SPOCK3: variants seen among roughly 807,000 people sequenced by gnomAD.
The protein encoded by SPOCK3 is testican-3.
In SPOCK3, 30 loss-of-function variants were observed where a neutral mutation model predicts 56.6. The ratio of observed to expected loss-of-function variants is 0.53; its 90% CI spans 0.40 to 0.72. The LOEUF is 0.72. Among genes scored for constraint, SPOCK3 ranks in the 30% least tolerant of loss-of-function variants. The probability of loss-of-function intolerance (pLI) is 0.00; values close to 1 mark genes in which losing one functional copy is unlikely to be tolerated. For synonymous variants in SPOCK3, 196 were observed against 183.3 expected (o/e 1.07, Z -0.56); for missense variants, 527 against 530.0 (o/e 0.99, Z 0.06).
chr4:166,802,554 GCCT>G (rs1742723199), intron 6 of SPOCK3, among the ~76,000 whole-genome samples: 1 of 152,028 alleles, frequency 6.6e-6, no homozygotes, highest in Admixed American at 6.6e-5. Context: ...GCTCCCTTGG[GCCT>G]CCTTTATAAG....
At chr4:167,062,573 A>T (rs769753379) in intron 2 of SPOCK3, 36 bp from the exon 3 acceptor site, 1 of 1,517,632 alleles carries the variant, frequency 6.6e-7, no homozygotes, top group Non-Finnish European at 9.1e-7. Context: ...AGTGTATACA[A>T]GTAATTAAAA....
intron 6 of SPOCK3, among the ~76,000 whole-genome samples, chr4:166,857,718 A>T (rs777488325): frequency 7.2e-5 from 11 of 152,210 alleles, no homozygotes; most frequent in Non-Finnish European, 5.9e-5. Flanking sequence ...TCCAGCTCCA[A>T]ATATAAAGTC....
chr4:166,982,879 G>A (rs1746738635), intron 4 of SPOCK3, among the ~76,000 whole-genome samples: 2 of 152,108 alleles, frequency 1.3e-5, no homozygotes, highest in Admixed American at 6.5e-5. Context: ...CCAGGAACTA[G>A]GAGAGTAGCC....
At chr4:167,057,259 C>T (rs1252753956) in intron 3 of SPOCK3, among the ~76,000 whole-genome samples, 2 of 152,148 alleles carry the variant, frequency 1.3e-5, no homozygotes, top group Admixed American at 1.3e-4. Flanking sequence ...CACCACCAGG[C>T]CTGCCCTAAA....
intron 2 of SPOCK3, among the ~76,000 whole-genome samples, chr4:167,115,470 A>T (rs2150354108): frequency 6.6e-6 from 1 of 152,238 alleles, no homozygotes; most frequent in South Asian, 2.1e-4. Flanking sequence ...TGGGTAACTT[A>T]TGTATAATTA....
chr4:166,884,870 A>AACACACACACACACACACAC (rs34910996), intron 6 of SPOCK3, among the ~76,000 whole-genome samples: 10 of 147,470 alleles, frequency 6.8e-5, no homozygotes, highest in African/African-American at 2.3e-4. Context: ...AAACTGGTTA[A>AACACACACACACACACACAC]ACACACACAC....
chr4:167,116,625 A>ATATACTATATACGACACG (rs1554038945), intron 2 of SPOCK3, among the ~76,000 whole-genome samples: 2 of 125,216 alleles, frequency 1.6e-5, no homozygotes, highest in Admixed American at 1.7e-4. Context: ...ATATATATAC[A>ATATACTATATACGACACG]TATATACTAT....
intron 6 of SPOCK3, among the ~76,000 whole-genome samples, chr4:166,885,661 C>T (rs904512290): frequency 1.1e-4 from 11 of 100,528 alleles, no homozygotes; most frequent in African/African-American, 4.3e-4. Flanking sequence ...TCAGGCTTCA[C>T]TGAAACTCAA....
At chr4:167,206,593 G>A (rs1734360189) in intron 2 of SPOCK3, among the ~76,000 whole-genome samples, 1 of 152,014 alleles carries the variant, frequency 6.6e-6, no homozygotes, top group Non-Finnish European at 1.5e-5. Context: ...TAGCTAATGA[G>A]TCTTGAGGAA....
chr4:166,903,719 A>G (rs1319751005), intron 5 of SPOCK3, among the ~76,000 whole-genome samples: 1 of 151,444 alleles, frequency 6.6e-6, no homozygotes, highest in Non-Finnish European at 1.5e-5. Flanking sequence ...TTGGCTGTTT[A>G]TTTGGCTTGC....
intron 4 of SPOCK3, among the ~76,000 whole-genome samples, chr4:166,965,808 C>A (rs765787937): frequency 6.6e-6 from 1 of 151,946 alleles, no homozygotes; most frequent in Non-Finnish European, 1.5e-5. Context: ...CCCACTAGAG[C>A]GGTACATTTA....
chr4:167,132,337 T>C (rs1294199172), intron 2 of SPOCK3, among the ~76,000 whole-genome samples: 1 of 152,218 alleles, frequency 6.6e-6, no homozygotes, highest in African/African-American at 2.4e-5. Flanking sequence ...CATTTATCTT[T>C]CAATTGTTAT....
intron 6 of SPOCK3, among the ~76,000 whole-genome samples, chr4:166,871,751 T>A (rs6829213): frequency 0.037 from 5,585 of 150,892 alleles, 345 homozygotes; most frequent in African/African-American, 0.13. Context: ...TACAAGAAAA[T>A]TACAAACTAA....
At chr4:166,965,256 A>G (rs1327262379) in intron 4 of SPOCK3, among the ~76,000 whole-genome samples, 3 of 151,972 alleles carry the variant, frequency 2.0e-5, no homozygotes, top group Non-Finnish European at 4.4e-5. Flanking sequence ...CCATTTGCCA[A>G]CACTCAGCCT....
chr4:167,090,232 C>A (rs185753357), intron 2 of SPOCK3, among the ~76,000 whole-genome samples: 11 of 152,276 alleles, frequency 7.2e-5, no homozygotes, highest in African/African-American at 2.6e-4. Flanking sequence ...ATTTTACATT[C>A]CCAGGGGTAA....
intron 2 of SPOCK3, among the ~76,000 whole-genome samples, chr4:167,069,078 C>G (rs1162731245): frequency 6.6e-6 from 1 of 151,842 alleles, no homozygotes; most frequent in Non-Finnish European, 1.5e-5. Flanking sequence ...CCAAAGATGG[C>G]CTTTATCAAT....
intron 6 of SPOCK3, among the ~76,000 whole-genome samples, chr4:166,836,158 G>A (rs933121163): frequency 2.6e-5 from 4 of 152,122 alleles, no homozygotes; most frequent in African/African-American, 9.7e-5. Context: ...AGTTGTCTGT[G>A]TCTAATAAAT....
intron 6 of SPOCK3, among the ~76,000 whole-genome samples, chr4:166,829,880 T>C (rs1745858076): frequency 6.6e-6 from 1 of 152,110 alleles, no homozygotes; most frequent in Non-Finnish European, 1.5e-5. Context: ...TAAAAACAGA[T>C]AAGATTCTAA....
intron 6 of SPOCK3, among the ~76,000 whole-genome samples, chr4:166,834,357 G>A (rs1203382100): frequency 6.6e-6 from 1 of 152,164 alleles, no homozygotes; most frequent in Non-Finnish European, 1.5e-5. Flanking sequence ...ATCTGAAACA[G>A]CCCTGTGGCC....
Sources: allele counts gnomAD v4.1 joint callset (sites outside exome capture counted in the v4.1 genomes callset), GRCh38; gene constraint gnomAD v4.1.1; transcripts MANE v1.5; gene names NCBI Gene and HGNC (gene_info 2026-07-23, HGNC 2026-07-21).